MIA2: variants seen among roughly 807,000 people sequenced by gnomAD.
MIA2 encodes melanoma inhibitory activity protein 2.
In MIA2, 127 loss-of-function variants were observed where a neutral mutation model predicts 167.8. The observed-to-expected ratio is 0.76, with a 90% CI of 0.66 to 0.88. The LOEUF (loss-of-function observed/expected upper bound fraction) is 0.88. Ranked by LOEUF, MIA2 falls within the 40% of genes least tolerant of loss-of-function variation. MIA2 has a pLI of 0.00. For missense variants in MIA2, 1,690 were observed against 1,624.7 expected (o/e 1.04, Z -0.69); for synonymous variants, 552 against 541.9 (o/e 1.02, Z -0.26).
chr14:39,306,422 G>T (rs1288428449), intron 17 of MIA2, among the ~76,000 whole-genome samples: 1 of 152,148 alleles, frequency 6.6e-6, no homozygotes, highest in Non-Finnish European at 1.5e-5. Context: ...GCAGGAGGAA[G>T]AGAGTGAAGG....
At position 39,308,577 on chromosome 14, in the gene MIA2, A is replaced by T. The variant is rs775434454; in HGVS notation, c.3007A>T (p.Lys1003Ter). 6.4e-7 allele frequency: 1 copy of T among 1,557,000 alleles called. No homozygotes were observed. Among genetic ancestry groups the T allele is most frequent in the Non-Finnish European group, 8.7e-7 (1 of 1,149,246 alleles). Residue 1003 changes from lysine to a stop codon, truncating the protein, a stop_gained, in exon 18 of 29, where the codon AAA becomes TAA. Transcript: ENST00000640607. LOFTEE classifies it high-confidence loss of function. ...TGAATTATATCAAGAAAATGAAATG[A>T]AACTCCACAGGTAATAAAAATTATG... ...MTELYQENEM[K>*]LHRKLTVEEN...
intron 23 of MIA2, among the ~76,000 whole-genome samples, chr14:39,374,286 AG>A (rs2075006117): frequency 1.3e-5 from 2 of 152,230 alleles, no homozygotes; most frequent in Non-Finnish European, 2.9e-5. Context: ...TCTATACCTA[AG>A]GTCATGCCAT....
chr14:39,324,826 C>T (rs1315715031), intron 24 of MIA2, among the ~76,000 whole-genome samples: 10 of 152,064 alleles, frequency 6.6e-5, no homozygotes, highest in Middle Eastern at 3.2e-3. Flanking sequence ...AGGCTGGTTT[C>T]GAACTCCTCA....
intron 23 of MIA2, among the ~76,000 whole-genome samples, chr14:39,366,610 C>G (rs1239886409): frequency 2.0e-5 from 3 of 152,160 alleles, no homozygotes; most frequent in African/African-American, 7.2e-5. Flanking sequence ...ATGGGTTGGG[C>G]TGATCCCCAC....
chr14:39,235,308 C>T (rs2053683928), intron 1 of MIA2, among the ~76,000 whole-genome samples: 1 of 152,054 alleles, frequency 6.6e-6, no homozygotes, highest in South Asian at 2.1e-4. Flanking sequence ...AGGCATAAGC[C>T]ACCATGCCCA....
intron 14 of MIA2, among the ~76,000 whole-genome samples, chr14:39,301,308 G>A (rs1460131858): frequency 3.9e-5 from 6 of 152,038 alleles, no homozygotes; most frequent in Admixed American, 6.5e-5. Flanking sequence ...CAGGTGATCC[G>A]CCCACCTTAG....
At chr14:39,313,273 T>A (rs1403513752) in intron 18 of MIA2, 67 bp from the exon 19 acceptor site, 1 of 789,508 alleles carries the variant, frequency 1.3e-6, no homozygotes, top group Non-Finnish European at 1.9e-6. Flanking sequence ...TTTTTCACAA[T>A]TAAAAATATA....
At chr14:39,299,577 A>C (rs1321623390) in intron 13 of MIA2, among the ~76,000 whole-genome samples, 2 of 152,160 alleles carry the variant, frequency 1.3e-5, no homozygotes, top group Non-Finnish European at 2.9e-5. Flanking sequence ...TGATTTAAAA[A>C]ATAAATTTTA....
chr14:39,349,054 A>T (rs1431538696), intron 28 of MIA2, 77 bp downstream of exon 28: 1 of 1,511,790 alleles, frequency 6.6e-7, no homozygotes, highest in Non-Finnish European at 9.1e-7. Flanking sequence ...CTATCTGTTA[A>T]TGTAGTAACA....
chr14:39,352,594 C>T (rs554784279), downstream of MIA2, among the ~76,000 whole-genome samples: 11 of 151,710 alleles, frequency 7.3e-5, no homozygotes, highest in Non-Finnish European at 1.5e-4. Flanking sequence ...CCACAGATAC[C>T]AAAATCCATG....
chr14:39,241,722 C>CA (rs1309264708), intron 3 of MIA2, among the ~76,000 whole-genome samples: 1 of 152,036 alleles, frequency 6.6e-6, no homozygotes, highest in Non-Finnish European at 1.5e-5. Flanking sequence ...CTTGTAAAAA[C>CA]AAAAAATCTG....
chr14:39,347,495 C>T (rs2073548329), intron 26 of MIA2: 3 of 535,904 alleles, frequency 5.6e-6, no homozygotes, highest in South Asian at 2.3e-5. Flanking sequence ...TAGGAACTAG[C>T]CAGAGAAATA....
chr14:39,355,490 C>A (rs1013498896), downstream of MIA2, among the ~76,000 whole-genome samples: 15 of 152,064 alleles, frequency 9.9e-5, no homozygotes, highest in East Asian at 1.9e-4. Flanking sequence ...CAATCATGTC[C>A]CCTGCAAACA....
intron 23 of MIA2, among the ~76,000 whole-genome samples, chr14:39,356,802 G>A (rs906829078): frequency 6.6e-6 from 1 of 152,022 alleles, no homozygotes; most frequent in Non-Finnish European, 1.5e-5. Context: ...CCTTTATTTC[G>A]TTATGTACCC....
intron 23 of MIA2, among the ~76,000 whole-genome samples, chr14:39,358,322 C>T (rs185360004): frequency 6.6e-6 from 1 of 152,288 alleles, no homozygotes; most frequent in East Asian, 1.9e-4. Context: ...ATCACTCATA[C>T]CCTTTCTTCC....
At chr14:39,356,552 C>T (rs2074531956) in intron 23 of MIA2, among the ~76,000 whole-genome samples, 1 of 152,166 alleles carries the variant, frequency 6.6e-6, no homozygotes, top group Non-Finnish European at 1.5e-5. Flanking sequence ...GTCTCTATCT[C>T]CTTCAGTTCT....
At chr14:39,331,638 G>GT (rs2068901122) in intron 25 of MIA2, among the ~76,000 whole-genome samples, 1 of 152,184 alleles carries the variant, frequency 6.6e-6, no homozygotes, top group Admixed American at 6.5e-5. Flanking sequence ...AGGAGCCCTT[G>GT]TAAGGCAGGC....
intron 6 of MIA2, among the ~76,000 whole-genome samples, chr14:39,254,971 A>G (rs6571909): frequency 0.3 from 45,899 of 152,052 alleles, 8,542 homozygotes; most frequent in African/African-American, 0.54. Context: ...TTTCCAGCTC[A>G]GGGACCTGAT....
At chr14:39,368,636 ACTTTT>A (rs1014187189) in intron 23 of MIA2, among the ~76,000 whole-genome samples, 5 of 144,978 alleles carry the variant, frequency 3.4e-5, no homozygotes, top group Admixed American at 2.0e-4. Flanking sequence ...TTCCTTTTCT[ACTTTT>A]CTTATATTTT....
Sources: allele counts gnomAD v4.1 joint callset (sites outside exome capture counted in the v4.1 genomes callset), GRCh38; gene constraint gnomAD v4.1.1; transcripts MANE v1.5; gene names NCBI Gene and HGNC (gene_info 2026-07-23, HGNC 2026-07-21).